Variants in CACNA2D3 observed in about 807,000 individuals in gnomAD.
CACNA2D3 encodes voltage-dependent calcium channel subunit alpha-2/delta-3.
Under a neutral mutation model 160.6 loss-of-function variants are expected in CACNA2D3, and 60 were observed. The ratio of observed to expected loss-of-function variants is 0.37; its 90% CI spans 0.30 to 0.46. The LOEUF is 0.46. Ranked by LOEUF, CACNA2D3 falls within the 20% of genes least tolerant of loss-of-function variation. The pLI is 1.00. For synonymous variants in CACNA2D3, 558 were observed against 492.9 expected (o/e 1.13, Z -1.75); for missense variants, 1,205 against 1,365.0 (o/e 0.88, Z 1.85).
intron 5 of CACNA2D3, among the ~76,000 whole-genome samples, chr3:54,543,625 G>A (rs1702017594): frequency 6.6e-6 from 1 of 152,280 alleles, no homozygotes; most frequent in South Asian, 2.1e-4. Flanking sequence ...CCTGTTCTTG[G>A]AGGTGGCCAG....
chr3:54,632,041 ATTG>A (rs1489696079), intron 10 of CACNA2D3: 6 of 152,204 alleles, frequency 3.9e-5, no homozygotes, highest in Admixed American at 2.0e-4. Flanking sequence ...GGCCCTTGTC[ATTG>A]TTATTATTAT....
At chr3:54,970,714 C>CAA (rs981060387) in intron 29 of CACNA2D3, among the ~76,000 whole-genome samples, 2 of 149,548 alleles carry the variant, frequency 1.3e-5, no homozygotes, top group African/African-American at 5.0e-5. Context: ...TGCCACTACC[C>CAA]AAAGTGTTTC....
intron 3 of CACNA2D3, among the ~76,000 whole-genome samples, chr3:54,353,067 G>T (rs1698591905): frequency 6.6e-6 from 1 of 152,198 alleles, no homozygotes; most frequent in Non-Finnish European, 1.5e-5. Flanking sequence ...ATTGTAGTCA[G>T]CCTGATGTGC....
At chr3:54,290,531 C>G (rs1340841158) in intron 2 of CACNA2D3, among the ~76,000 whole-genome samples, 1 of 151,536 alleles carries the variant, frequency 6.6e-6, no homozygotes, top group Admixed American at 6.6e-5. Context: ...ACTAGAAATA[C>G]CATTTGACCC....
At chr3:54,123,449 G>C in intron 1 of CACNA2D3, 64 bp from the exon 2 acceptor site, 1 of 1,031,270 alleles carries the variant, frequency 9.7e-7, no homozygotes. Flanking sequence ...GTGCGTGTGC[G>C]TGTGCGTGCG....
intron 14 of CACNA2D3, among the ~76,000 whole-genome samples, chr3:54,835,454 G>A (rs1007389124): frequency 6.6e-6 from 1 of 152,172 alleles, no homozygotes; most frequent in South Asian, 2.1e-4. Context: ...ATTGTAAGTA[G>A]TGACACCCCA....
intron 11 of CACNA2D3, among the ~76,000 whole-genome samples, chr3:54,717,318 A>T (rs990005121): frequency 6.6e-6 from 1 of 152,228 alleles, no homozygotes; most frequent in Non-Finnish European, 1.5e-5. Flanking sequence ...ACACTTGTGT[A>T]TACATTTCTA....
chr3:54,424,686 T>C (rs896441323), intron 4 of CACNA2D3, among the ~76,000 whole-genome samples: 3 of 152,150 alleles, frequency 2.0e-5, no homozygotes, highest in African/African-American at 7.2e-5. Context: ...CAACACCTGG[T>C]CTACTGTGGT....
chr3:54,607,028 T>C (rs551469978), intron 9 of CACNA2D3, among the ~76,000 whole-genome samples: 49 of 152,292 alleles, frequency 3.2e-4, no homozygotes, highest in Non-Finnish European at 5.4e-4. Flanking sequence ...GAAGTGAAGT[T>C]GAAAATCTTT....
intron 2 of CACNA2D3, among the ~76,000 whole-genome samples, chr3:54,282,466 A>C (rs1243608223): frequency 6.6e-6 from 1 of 152,218 alleles, no homozygotes; most frequent in African/African-American, 2.4e-5. Flanking sequence ...TACTATGTGG[A>C]TCATTCTGGT....
At chr3:55,013,820 A>G (rs1559463666) in intron 34 of CACNA2D3, among the ~76,000 whole-genome samples, 2 of 152,206 alleles carry the variant, frequency 1.3e-5, no homozygotes, top group African/African-American at 2.4e-5. Flanking sequence ...GGCTTTTCAA[A>G]TGGCAAATCT....
intron 33 of CACNA2D3, among the ~76,000 whole-genome samples, chr3:55,008,331 T>C (rs1200300967): frequency 6.6e-6 from 1 of 152,218 alleles, no homozygotes; most frequent in Non-Finnish European, 1.5e-5. Flanking sequence ...GCTGGTTGCA[T>C]CTATGACTTA....
At chr3:54,714,006 G>T (rs771666016) in intron 11 of CACNA2D3, among the ~76,000 whole-genome samples, 1 of 152,124 alleles carries the variant, frequency 6.6e-6, no homozygotes, top group Non-Finnish European at 1.5e-5. Context: ...AGATTTGTTG[G>T]TTGAGGTGGA....
intron 11 of CACNA2D3, among the ~76,000 whole-genome samples, chr3:54,658,289 T>C (rs762473662): frequency 3.3e-5 from 5 of 152,242 alleles, no homozygotes; most frequent in African/African-American, 1.2e-4. Flanking sequence ...TACCAACTTA[T>C]ATTTCACCAA....
At chr3:54,700,399 A>G (rs569130116) in intron 11 of CACNA2D3, among the ~76,000 whole-genome samples, 7 of 152,246 alleles carry the variant, frequency 4.6e-5, no homozygotes, top group Admixed American at 1.3e-4. Flanking sequence ...ATTCACATTT[A>G]ATTTAATTAA....
chr3:54,693,053 A>C (rs546628042), intron 11 of CACNA2D3, among the ~76,000 whole-genome samples: 38 of 152,242 alleles, frequency 2.5e-4, no homozygotes, highest in South Asian at 1.7e-3. Context: ...ACCACCACCA[A>C]CAACAAAAAA....
At chr3:54,381,650 T>G (rs1156629438) in intron 3 of CACNA2D3, among the ~76,000 whole-genome samples, 1 of 152,206 alleles carries the variant, frequency 6.6e-6, no homozygotes, top group African/African-American at 2.4e-5. Context: ...CGGGACACTG[T>G]GCATTCTGTA....
At chr3:54,256,495 C>G (rs1702296338) in intron 2 of CACNA2D3, among the ~76,000 whole-genome samples, 1 of 151,902 alleles carries the variant, frequency 6.6e-6, no homozygotes, top group Non-Finnish European at 1.5e-5. Context: ...TATGGCAGAC[C>G]CTGATTATAA....
chr3:54,400,671 C>A (rs1436002596), intron 4 of CACNA2D3, among the ~76,000 whole-genome samples: 3 of 152,122 alleles, frequency 2.0e-5, no homozygotes, highest in African/African-American at 7.2e-5. Flanking sequence ...AGAGGATATA[C>A]AACTGCTTCT....
Sources: allele counts gnomAD v4.1 joint callset (sites outside exome capture counted in the v4.1 genomes callset), GRCh38; gene constraint gnomAD v4.1.1; transcripts MANE v1.5; gene names NCBI Gene and HGNC (gene_info 2026-07-23, HGNC 2026-07-21).